Variants in FREM1 observed in about 807,000 individuals in gnomAD.
The protein encoded by FREM1 is FRAS1 related extracellular matrix 1, also known as FRAS1-related extracellular matrix protein 1.
FREM1 carries 220 observed loss-of-function variants against 210.1 expected under a neutral mutation model. The observed-to-expected ratio is 1.05, with a 90% CI of 0.94 to 1.17. The LOEUF (loss-of-function observed/expected upper bound fraction) is 1.17, where lower values mean the gene tolerates loss of function less well. FREM1 is among the 50% of genes most tolerant of loss of function. The pLI is 0.00. For synonymous variants in FREM1, 1,189 were observed against 980.2 expected, an observed-to-expected ratio of 1.21 and a Z score of -3.98; for missense variants, 3,454 against 2,675.5, an observed-to-expected ratio of 1.29 and a Z score of -6.42.
At chr9:14,827,439 A>G (rs1396847307) in intron 10 of FREM1, among the ~76,000 whole-genome samples, 1 of 152,260 alleles carries the variant, frequency 6.6e-6, no homozygotes, top group Non-Finnish European at 1.5e-5. Context: ...CAAACAGTTG[A>G]GCACGTTGCA....
At chr9:14,751,332 T>C (rs1049479364) in intron 29 of FREM1, among the ~76,000 whole-genome samples, 1 of 152,166 alleles carries the variant, frequency 6.6e-6, no homozygotes, top group African/African-American at 2.4e-5. Flanking sequence ...ACAGTTAAAC[T>C]TTTTAAAAAG....
intron 21 of FREM1, among the ~76,000 whole-genome samples, chr9:14,793,402 G>A (rs1219710145): frequency 6.6e-6 from 1 of 152,194 alleles, no homozygotes; most frequent in East Asian, 1.9e-4. Context: ...TCTAAGTAAT[G>A]TTCTGGGTAG....
At chr9:14,855,765 G>T (rs1054492946) in intron 5 of FREM1, among the ~76,000 whole-genome samples, 1 of 151,532 alleles carries the variant, frequency 6.6e-6, no homozygotes, top group African/African-American at 2.4e-5. Flanking sequence ...AAGCAAGAAG[G>T]TAAAGGGATA....
intron 35 of FREM1, among the ~76,000 whole-genome samples, chr9:14,744,883 G>C (rs947088515): frequency 6.6e-6 from 1 of 152,110 alleles, no homozygotes; most frequent in African/African-American, 2.4e-5. Context: ...AATTCTATTT[G>C]CTCTGCATCT....
intron 10 of FREM1, among the ~76,000 whole-genome samples, chr9:14,825,567 A>ATATG (rs1276185469): frequency 7.0e-6 from 1 of 143,034 alleles, no homozygotes; most frequent in Non-Finnish European, 1.5e-5. Flanking sequence ...ATATATATAT[A>ATATG]TATACCACAA....
At chr9:14,826,657 A>G (rs187742893) in intron 10 of FREM1, among the ~76,000 whole-genome samples, 175 of 152,336 alleles carry the variant, frequency 1.1e-3, no homozygotes, top group African/African-American at 3.8e-3. Flanking sequence ...TTAATTTCCA[A>G]TACAAGATTA....
intron 3 of FREM1, among the ~76,000 whole-genome samples, chr9:14,859,922 G>A (rs1829497609): frequency 2.0e-5 from 3 of 152,126 alleles, no homozygotes; most frequent in African/African-American, 7.2e-5. Flanking sequence ...GTGGTCATTT[G>A]CAGCCTAGTT....
At chr9:14,817,736 C>T (rs1820556524) in intron 14 of FREM1, among the ~76,000 whole-genome samples, 1 of 152,160 alleles carries the variant, frequency 6.6e-6, no homozygotes, top group African/African-American at 2.4e-5. Flanking sequence ...TTACTGAGGA[C>T]TAGTTTCACC....
chr9:14,746,392 T>C lies in FREM1; in HGVS notation c.6215A>G (p.Lys2072Arg). 1 of 1,613,890 alleles carries C rather than the reference T, an allele frequency of 6.2e-7. No individual in the cohort carries two copies. The highest frequency in any genetic ancestry group is 8.5e-7 in the Non-Finnish European group (1 of 1,179,782). ...TTGGGCAGCCGCATTCCAGGTGCCT[T>C]TCTGCTCTGTGATCAAGATGTGACA... ...GYCHILITEQKGTWNAAAQAC... is the reference protein window; with the variant it reads ...GYCHILITEQRGTWNAAAQAC... The change falls in exon 35 of 37, where the codon AAA becomes AGA. Residue 2072 changes from lysine to arginine, a missense_variant. Physicochemically the swap from Lys to Arg is conservative, Grantham distance 26. Coordinates refer to ENST00000380880, the MANE Select transcript of FREM1 (RefSeq NM_001379081.2).
intron 36 of FREM1, among the ~76,000 whole-genome samples, chr9:14,738,895 A>G (rs113519610): frequency 0.11 from 16,164 of 150,548 alleles, 1,059 homozygotes; most frequent in Non-Finnish European, 0.15. Flanking sequence ...CTGTAATCCC[A>G]GCTACTCAGG....
chr9:14,748,260 A>G (rs1302289680), intron 31 of FREM1, 141 bp downstream of exon 31: 3 of 613,954 alleles, frequency 4.9e-6, no homozygotes, highest in Non-Finnish European at 8.7e-6. Context: ...AAGGCACTGC[A>G]TAACTGTGCA....
intron 29 of FREM1, among the ~76,000 whole-genome samples, chr9:14,755,042 C>T (rs1447656934): frequency 6.6e-6 from 1 of 152,156 alleles, no homozygotes; most frequent in Non-Finnish European, 1.5e-5. Flanking sequence ...ACTAAGAATG[C>T]CAACGTTTGC....
At chr9:14,827,869 G>C (rs577143964) in intron 10 of FREM1, among the ~76,000 whole-genome samples, 1 of 152,186 alleles carries the variant, frequency 6.6e-6, no homozygotes, top group East Asian at 1.9e-4. Context: ...GGCTCAAGCA[G>C]GCCCAGGAAC....
Position 14,805,068 on chromosome 9 carries a change from T to A in FREM1, c.3359A>T (p.Gln1120Leu), listed in dbSNP as rs143844459. 1,932 of 1,613,192 alleles carry A rather than the reference T, an allele frequency of 1.2e-3. 7 individuals carry two copies. The highest frequency in any genetic ancestry group is 5.3e-3 in the Middle Eastern group (32 of 6,062). The change falls in exon 19 of 37, where the codon CAG (glutamine) becomes CTG (leucine). Residue 1120 changes from glutamine to leucine, a missense_variant. By Grantham distance (113) the Gln-to-Leu change is moderately radical (BLOSUM62 -2). Transcript: ENST00000380880. ...CCCATCTGTGACGTACACCGTGAAC[T>A]GGTCGGCAGTTGGTTCTATCCTCAG... ...RHLRIEPTAD[Q>L]FTVYVTDGKH... is the part of the protein sequence containing the mutation.
chr9:14,822,718 C>T (rs149151677), intron 13 of FREM1, among the ~76,000 whole-genome samples: 43 of 152,172 alleles, frequency 2.8e-4, no homozygotes, highest in African/African-American at 1.0e-3. Context: ...GGCAGTGGGG[C>T]AAAGTATGAC....
intron 29 of FREM1, among the ~76,000 whole-genome samples, chr9:14,750,745 C>T (rs902217016): frequency 3.9e-5 from 6 of 152,178 alleles, no homozygotes; most frequent in African/African-American, 1.4e-4. Context: ...CTAAAGACAG[C>T]TGCCTGCATC....
At chr9:14,773,938 C>A in intron 25 of FREM1, 1 of 382,130 alleles carries the variant, frequency 2.6e-6, no homozygotes, top group East Asian at 7.2e-5. Flanking sequence ...AGACTGGTAT[C>A]AACCTAGGTT....
intron 27 of FREM1, among the ~76,000 whole-genome samples, chr9:14,764,719 T>G (rs184975552): frequency 3.8e-4 from 58 of 152,288 alleles, no homozygotes; most frequent in Non-Finnish European, 2.9e-4. Context: ...ATGGTCTGTT[T>G]CAAAATGCCT....
intron 28 of FREM1, among the ~76,000 whole-genome samples, chr9:14,757,026 AAGAC>A (rs1337829470): frequency 2.0e-5 from 3 of 152,154 alleles, no homozygotes; most frequent in African/African-American, 7.2e-5. Context: ...GTGGAACCGG[AAGAC>A]CTGGTGAACA....
Sources: gnomAD v4.1 joint callset for allele counts (sites outside exome capture counted in the v4.1 genomes callset) on GRCh38, gnomAD v4.1.1 for gene constraint, MANE v1.5 for transcripts, NCBI Gene and HGNC (gene_info 2026-07-23, HGNC 2026-07-21) for gene names.